Variants in ZDHHC14 observed in about 807,000 individuals in gnomAD.
ZDHHC14 encodes the protein zDHHC palmitoyltransferase 14.
Under a neutral mutation model 47.7 loss-of-function variants are expected in ZDHHC14, and 16 were observed. The ratio of observed to expected loss-of-function variants is 0.34; its 90% CI spans 0.23 to 0.51. ZDHHC14 has a LOEUF of 0.51. Among genes scored for constraint, ZDHHC14 ranks in the 20% least tolerant of loss-of-function variants. The pLI is 0.97. For synonymous variants in ZDHHC14, 293 were observed against 278.9 expected, an observed-to-expected ratio of 1.05 and a Z score of -0.50; for missense variants, 515 against 662.5, an observed-to-expected ratio of 0.78 and a Z score of 2.44.
chr6:157,489,609 A>G (rs927227708), intron 1 of ZDHHC14, among the ~76,000 whole-genome samples: 2 of 152,214 alleles, frequency 1.3e-5, no homozygotes, highest in African/African-American at 2.4e-5. Flanking sequence ...GCTGAATTAG[A>G]TATGTTTAGA....
intron 1 of ZDHHC14, among the ~76,000 whole-genome samples, chr6:157,443,426 C>G (rs976329294): frequency 8.6e-5 from 13 of 152,040 alleles, no homozygotes; most frequent in African/African-American, 2.9e-4. Context: ...GTGATCCTAT[C>G]CTGAACCCCA....
At chr6:157,655,564 T>C (rs1166372429) in intron 8 of ZDHHC14, among the ~76,000 whole-genome samples, 3 of 152,202 alleles carry the variant, frequency 2.0e-5, no homozygotes, top group African/African-American at 7.2e-5. Flanking sequence ...CATACGTTGA[T>C]CGTTTCTCTG....
At chr6:157,622,604 C>T (rs1320660369) in intron 3 of ZDHHC14, among the ~76,000 whole-genome samples, 6 of 152,022 alleles carry the variant, frequency 3.9e-5, no homozygotes, top group African/African-American at 1.2e-4. Flanking sequence ...AGTAAAACCA[C>T]CCCTGCCTCC....
Position 157,609,264 on chromosome 6 carries a change from G to A in ZDHHC14, c.565+16118G>A, listed in dbSNP as rs1039080214. Among the ~76,000 whole-genome samples the A allele has an allele frequency of 7.2e-5, 11 of 152,158 alleles. No individual in the cohort carries two copies. In the South Asian group the frequency reaches 1.5e-3, roughly 20 times the overall value. On this transcript the variant is annotated intron_variant, in intron 3 of 8. Coordinates refer to ENST00000359775, the MANE Select transcript of ZDHHC14 (RefSeq NM_024630.3). The stretch of plus-strand genomic sequence containing the variant: ...GAGCACTGCCTGTGTCAAAAGGTGC[G>A]CACCTGGAGGGAAAGCGAGAGGTGG...
intron 5 of ZDHHC14, among the ~76,000 whole-genome samples, chr6:157,636,199 A>AACACACACAC (rs200065831): frequency 0.048 from 7,293 of 150,812 alleles, 189 homozygotes; most frequent in Middle Eastern, 0.077. Flanking sequence ...GATGGATTTA[A>AACACACACAC]ACACACACAC....
At chr6:157,432,429 T>C (rs923231993) in intron 1 of ZDHHC14, among the ~76,000 whole-genome samples, 2 of 152,142 alleles carry the variant, frequency 1.3e-5, no homozygotes, top group African/African-American at 4.8e-5. Flanking sequence ...GGGAGCTTAC[T>C]AGCAGGTGTG....
Position 157,388,798 on chromosome 6 carries a change from A to G in ZDHHC14, c.245+6532A>G, listed in dbSNP as rs150751749. Among the ~76,000 whole-genome samples, 940 of 152,344 alleles carry G rather than the reference A, an allele frequency of 6.2e-3. 4 individuals carry two copies. The highest frequency in any genetic ancestry group is 7.0e-3 in the Non-Finnish European group (476 of 68,036). Reference sequence around the variant, plus strand: ...AGTTTTGAAGTAAAATACTATAAAAAGCACCCATGAAACTACCACCCAACC... The same window carrying G: ...AGTTTTGAAGTAAAATACTATAAAAGGCACCCATGAAACTACCACCCAACC... On this transcript the variant is annotated intron_variant, in intron 1 of 8. Transcript: ENST00000359775.
intron 1 of ZDHHC14, among the ~76,000 whole-genome samples, chr6:157,414,333 T>C (rs1777931425): frequency 6.6e-6 from 1 of 152,218 alleles, no homozygotes; most frequent in East Asian, 1.9e-4. Flanking sequence ...AAGATGCCGA[T>C]GGCCTCTAAG....
chr6:157,508,284 T>A (rs1780379546), intron 1 of ZDHHC14, among the ~76,000 whole-genome samples: 1 of 152,168 alleles, frequency 6.6e-6, no homozygotes, highest in African/African-American at 2.4e-5. Context: ...CTTCAATAAT[T>A]TTCCTCCCCA....
At chr6:157,596,607 A>G (rs891461) in intron 3 of ZDHHC14, among the ~76,000 whole-genome samples, 102,180 of 152,084 alleles carry the variant, frequency 0.67, 34,756 homozygotes, top group East Asian at 0.82. Context: ...TGGCTCTGAG[A>G]ACACACAGGC....
intron 3 of ZDHHC14, among the ~76,000 whole-genome samples, chr6:157,608,338 C>T (rs1229873653): frequency 4.7e-5 from 7 of 149,498 alleles, no homozygotes; most frequent in Admixed American, 2.7e-4. Flanking sequence ...GCCCTGCCTG[C>T]AAAGAGCTTA....
At chr6:157,610,182 C>A (rs1351437690) in intron 3 of ZDHHC14, among the ~76,000 whole-genome samples, 1 of 152,212 alleles carries the variant, frequency 6.6e-6, no homozygotes, top group Admixed American at 6.5e-5. Context: ...CAGTGGCTCA[C>A]ACCTGTAATC....
intron 1 of ZDHHC14, among the ~76,000 whole-genome samples, chr6:157,428,693 C>A (rs1321966145): frequency 6.9e-6 from 1 of 145,712 alleles, no homozygotes; most frequent in Non-Finnish European, 1.5e-5. Context: ...CTTATGTGCT[C>A]ACTAGCAACC....
intron 2 of ZDHHC14, among the ~76,000 whole-genome samples, chr6:157,581,134 T>C (rs904449756): frequency 2.0e-5 from 3 of 152,188 alleles, no homozygotes; most frequent in Non-Finnish European, 1.5e-5. Flanking sequence ...TTGTTCTCAT[T>C]AGTTGCAAAG....
At chr6:157,441,311 G>A (rs1483118452) in intron 1 of ZDHHC14, among the ~76,000 whole-genome samples, 2 of 152,236 alleles carry the variant, frequency 1.3e-5, no homozygotes, top group Non-Finnish European at 2.9e-5. Context: ...TCAGCTAGAA[G>A]TTGTTCCCAG....
intron 1 of ZDHHC14, among the ~76,000 whole-genome samples, chr6:157,508,297 A>T (rs1051547287): frequency 6.6e-6 from 1 of 151,938 alleles, no homozygotes; most frequent in Non-Finnish European, 1.5e-5. Context: ...CCTCCCCATT[A>T]TTATTTTTTG....
At chr6:157,445,042 G>A (rs1778633837) in intron 1 of ZDHHC14, among the ~76,000 whole-genome samples, 1 of 151,598 alleles carries the variant, frequency 6.6e-6, no homozygotes, top group Non-Finnish European at 1.5e-5. Context: ...AGTCCAGGCT[G>A]GGGAAGGGAC....
At chr6:157,471,273 G>A (rs1437443476) in intron 1 of ZDHHC14, among the ~76,000 whole-genome samples, 2 of 152,234 alleles carry the variant, frequency 1.3e-5, no homozygotes, top group Admixed American at 1.3e-4. Flanking sequence ...TGGCAGGAGG[G>A]GCTCAAAGAT....
intron 1 of ZDHHC14, among the ~76,000 whole-genome samples, chr6:157,484,242 A>G (rs1330568012): frequency 6.7e-6 from 1 of 149,098 alleles, no homozygotes; most frequent in Non-Finnish European, 1.5e-5. Context: ...CCAAACTCGC[A>G]TGACACGAGG....
Sources: gnomAD v4.1 joint callset for allele counts (sites outside exome capture counted in the v4.1 genomes callset) on GRCh38, gnomAD v4.1.1 for gene constraint, MANE v1.5 for transcripts, NCBI Gene and HGNC (gene_info 2026-07-23, HGNC 2026-07-21) for gene names.